The following ING5 variants were observed in gnomAD, a reference collection of about 807,000 sequenced individuals.
ING5 encodes the protein inhibitor of growth family member 5.
ING5 carries 17 observed loss-of-function variants against 37.4 expected under a neutral mutation model. That is an observed-to-expected ratio of 0.45 (90% CI 0.31 to 0.68). The LOEUF (loss-of-function observed/expected upper bound fraction) is 0.68. Among genes scored for constraint, ING5 ranks in the 30% least tolerant of loss-of-function variants. The pLI is 0.05. For synonymous variants in ING5, 123 were observed against 116.6 expected (o/e 1.06, Z -0.36); for missense variants, 233 against 311.9 (o/e 0.75, Z 1.91).
chr2:241,708,690 A>T (rs1023619547), intron 2 of ING5, among the ~76,000 whole-genome samples: 1 of 151,844 alleles, frequency 6.6e-6, no homozygotes, highest in African/African-American at 2.4e-5. Flanking sequence ...GCTGAGTAGC[A>T]CTCTGTTGTC....
At chr2:241,710,475 TGTTTTTG>T (rs1322358370) in intron 3 of ING5, among the ~76,000 whole-genome samples, 12 of 151,628 alleles carry the variant, frequency 7.9e-5, no homozygotes, top group Non-Finnish European at 1.0e-4. Flanking sequence ...GGCTAATTTT[TGTTTTTG>T]GTTTTTGGTT....
intron 2 of ING5, among the ~76,000 whole-genome samples, chr2:241,695,011 T>C (rs1281810080): frequency 1.4e-5 from 2 of 144,190 alleles, no homozygotes; most frequent in Admixed American, 1.4e-4. Context: ...AGAGCAAGAC[T>C]CCGTCTCAAA....
At chr2:241,695,886 C>A (rs1219315209) in intron 2 of ING5, among the ~76,000 whole-genome samples, 1 of 152,130 alleles carries the variant, frequency 6.6e-6, no homozygotes, top group Non-Finnish European at 1.5e-5. Context: ...GTCAGTGGGA[C>A]AAAGCAGGGT....
At chr2:241,698,515 G>A (rs542114174), upstream of ING5, among the ~76,000 whole-genome samples, 1 of 151,494 alleles carries the variant, frequency 6.6e-6, no homozygotes, top group African/African-American at 2.4e-5. Context: ...GTGTGTGTGT[G>A]TGTGTGTGTG....
At chr2:241,713,024 A>G (rs1015707269) in intron 5 of ING5, among the ~76,000 whole-genome samples, 1 of 151,662 alleles carries the variant, frequency 6.6e-6, no homozygotes, top group Non-Finnish European at 1.5e-5. Flanking sequence ...AAAGAGAAAA[A>G]AAGAGTTCTT....
chr2:241,710,997 C>T (rs2070093533), intron 3 of ING5, among the ~76,000 whole-genome samples: 1 of 152,148 alleles, frequency 6.6e-6, no homozygotes, highest in East Asian at 1.9e-4. Flanking sequence ...GATCAGACTG[C>T]CTCGACCTCC....
chr2:241,712,890 T>A (rs2070152185), intron 5 of ING5, among the ~76,000 whole-genome samples: 1 of 150,708 alleles, frequency 6.6e-6, no homozygotes, highest in Non-Finnish European at 1.5e-5. Context: ...TAGCTGAGGG[T>A]GGTGGTGTGG....
chr2:241,724,839 G>C (rs947723149), intron 7 of ING5, 150 bp from the exon 8 acceptor site: 3 of 695,750 alleles, frequency 4.3e-6, no homozygotes, highest in African/African-American at 1.8e-5. Flanking sequence ...TTTTCCCTGC[G>C]GGAGGGCCGC....
chr2:241,720,099 A>T, intron 5 of ING5: 21 of 1,239,812 alleles, frequency 1.7e-5, no homozygotes, highest in Non-Finnish European at 2.1e-5. Flanking sequence ...AGGATGGTGC[A>T]GGTGGGCAGA....
At position 241,710,503 on chromosome 2, in the gene ING5, A is replaced by G. The variant is rs183540239; in HGVS notation, c.277-874A>G. Among the ~76,000 whole-genome samples, 20 of 149,156 alleles carry G rather than the reference A, an allele frequency of 1.3e-4. No individual in the cohort carries two copies. The South Asian group carries it at 3.0e-3, about 22-fold the overall frequency. On this transcript the variant is annotated intron_variant, in intron 3 of 7. Coordinates refer to ENST00000313552, the MANE Select transcript of ING5 (RefSeq NM_032329.6). ...TTTTGGTTTTTGGTTTTTTTTTTTGAGACAGAGCTTCGCTCTTGTTGCTCA... is the reference window on the plus strand; with the variant it reads ...TTTTGGTTTTTGGTTTTTTTTTTTGGGACAGAGCTTCGCTCTTGTTGCTCA...
Position 241,711,478 on chromosome 2 carries a change from A to C in ING5, c.378A>C (p.Arg126=), listed in dbSNP as rs766806428. 2.4e-5 allele frequency: 39 copies of C among 1,597,590 alleles called. No individual in the cohort carries two copies. Among genetic ancestry groups the C allele is most frequent in the Non-Finnish European group, 3.1e-5 (36 of 1,174,008 alleles). ...GTGATTTTGAAAGCTCCGGAGGGCG[A>C]GGGTTAAAAAGCAAGTCTGTTAATT... ...EGSDFESSGG[R]GLKKGRGQKE... is the part of the protein sequence containing the mutation. The change falls in exon 4 of 8, where the codon CGA becomes CGC. Residue 126 remains arginine (R), a synonymous_variant. Coordinates refer to ENST00000313552, the MANE Select transcript of ING5 (RefSeq NM_032329.6).
At chr2:241,698,726 T>G (rs969137562), upstream of ING5, among the ~76,000 whole-genome samples, 2 of 152,116 alleles carry the variant, frequency 1.3e-5, no homozygotes, top group Non-Finnish European at 1.5e-5. Context: ...GTTCCTGTAT[T>G]GTTTAATTTT....
upstream of ING5, among the ~76,000 whole-genome samples, chr2:241,700,560 A>G (rs1360954133): frequency 1.3e-5 from 2 of 151,684 alleles, no homozygotes; most frequent in Admixed American, 6.6e-5. Context: ...AGCTCAAGCG[A>G]TTCTCCTGTT....
chr2:241,706,398 G>A (rs765828247), intron 2 of ING5, among the ~76,000 whole-genome samples: 4 of 152,070 alleles, frequency 2.6e-5, no homozygotes, highest in Non-Finnish European at 5.9e-5. Flanking sequence ...GGGAGGCTGA[G>A]GTGGGCAGAT....
At position 241,692,142 on chromosome 2, in the gene ING5, A is replaced by G. The variant is rs573007558; in HGVS notation, c.43+1489A>G. On this transcript the variant is annotated intron_variant, in intron 2 of 7. Coordinates refer to the ING5 transcript ENST00000636051. ...GGGGAAATGGAATAACCGAGCTTGC[A>G]GCACACGCAGCACCAGTCATGTGGT... Among the ~76,000 whole-genome samples, 11 of 152,324 alleles carry G rather than the reference A, an allele frequency of 7.2e-5. No individual in the cohort carries two copies. In the South Asian group the frequency reaches 2.3e-3, roughly 32 times the overall value.
intron 2 of ING5, among the ~76,000 whole-genome samples, chr2:241,692,554 G>A (rs1488439798): frequency 1.3e-5 from 2 of 151,392 alleles, no homozygotes; most frequent in Admixed American, 6.6e-5. Flanking sequence ...ATCCTGCCTC[G>A]GCCTCCTGAA....
chr2:241,722,791 G>A (rs867151351), intron 5 of ING5, 148 bp from the exon 6 acceptor site: 12 of 1,486,566 alleles, frequency 8.1e-6, no homozygotes, highest in Non-Finnish European at 8.9e-6. Context: ...GTCGCTCAGA[G>A]CACGGTACCA....
intron 6 of ING5, 61 bp downstream of exon 6, chr2:241,723,135 G>A (rs780807344): frequency 8.2e-5 from 132 of 1,613,732 alleles, no homozygotes; most frequent in East Asian, 4.5e-4. Flanking sequence ...CAGGGCTGGC[G>A]GATGTTGGCA....
chr2:241,723,961 G>A lies in ING5; in HGVS notation c.680+690G>A, dbSNP rs1691500055. 2.4e-6 allele frequency: 3 copies of A among 1,253,898 alleles called. No individual in the cohort carries two copies. In the African/African-American group the frequency reaches 4.5e-5, roughly 19 times the overall value. The allele number at this position is 1,253,898 out of a possible 1,614,324, so 77.7% of individuals were successfully genotyped here. ...GAAGTCCGAGGCTTCAGTGAGCTGA[G>A]ATCGCGCCACTGCACTCCAGCCTGG... On this transcript the variant is annotated intron_variant, in intron 7 of 7. Coordinates refer to ENST00000313552, the MANE Select transcript of ING5 (RefSeq NM_032329.6).
Sources: allele counts gnomAD v4.1 joint callset (sites outside exome capture counted in the v4.1 genomes callset), GRCh38; gene constraint gnomAD v4.1.1; transcripts MANE v1.5; gene names NCBI Gene and HGNC (gene_info 2026-07-23, HGNC 2026-07-21).